The following TRIP12 variants were observed in gnomAD, a reference collection of about 807,000 sequenced individuals.
The protein encoded by TRIP12 is thyroid hormone receptor interactor 12.
TRIP12 carries 25 observed loss-of-function variants against 244.2 expected under a neutral mutation model. The ratio of observed to expected loss-of-function variants is 0.10; its 90% CI spans 0.07 to 0.14. The LOEUF (loss-of-function observed/expected upper bound fraction) is 0.14, where lower values mean the gene tolerates loss of function less well. Among genes scored for constraint, TRIP12 ranks in the 10% least tolerant of loss-of-function variants. TRIP12 has a pLI of 1.00. For missense variants in TRIP12, 1,677 were observed against 2,486.4 expected (o/e 0.67, Z 6.92); for synonymous variants, 905 against 873.1 (o/e 1.04, Z -0.64).
intron 2 of TRIP12, among the ~76,000 whole-genome samples, chr2:229,877,334 A>T (rs541839798): frequency 2.7e-4 from 41 of 152,244 alleles, no homozygotes; most frequent in African/African-American, 9.9e-4. Flanking sequence ...GTTCAAGACC[A>T]GCCTGGCCAA....
upstream of TRIP12, chr2:229,922,080 C>A (rs886414132): frequency 1.9e-5 from 3 of 160,616 alleles, no homozygotes; most frequent in Non-Finnish European, 4.1e-5. Flanking sequence ...CGGGGAACTA[C>A]TTTGTCCTCG....
chr2:229,816,767 G>A (rs1342017904), intron 9 of TRIP12, among the ~76,000 whole-genome samples: 4 of 152,176 alleles, frequency 2.6e-5, no homozygotes, highest in African/African-American at 9.7e-5. Context: ...TATAAGGTAA[G>A]CCTAGTTATT....
chr2:229,814,993 G>A (rs1015278823), intron 11 of TRIP12, 106 bp downstream of exon 11: 10 of 821,884 alleles, frequency 1.2e-5, no homozygotes, highest in Admixed American at 2.6e-5. Context: ...AACATTTCTC[G>A]GGCTAAAAAA....
chr2:229,769,179 CT>C, intron 40 of TRIP12, 51 bp downstream of exon 40: 1 of 1,531,782 alleles, frequency 6.5e-7, no homozygotes, highest in Non-Finnish European at 9.0e-7. Flanking sequence ...ACACACACCC[CT>C]CTCCACATTC....
chr2:229,799,475 GGAGTA>G (rs2043669249), intron 21 of TRIP12, 92 bp from the exon 22 acceptor site: 1 of 1,196,230 alleles, frequency 8.4e-7, no homozygotes, highest in Non-Finnish European at 1.2e-6. Context: ...GCAGAAACAG[GGAGTA>G]ATAAAATACT....
intron 30 of TRIP12, among the ~76,000 whole-genome samples, chr2:229,790,540 AGG>A (rs71396611): frequency 9.8e-6 from 1 of 101,560 alleles, no homozygotes; most frequent in Non-Finnish European, 2.0e-5. Flanking sequence ...GAGCAGGGGG[AGG>A]GGGGGGTGTC....
chr2:229,814,453 C>T, intron 11 of TRIP12, 128 bp from the exon 12 acceptor site: 1 of 820,720 alleles, frequency 1.2e-6, no homozygotes, highest in East Asian at 2.7e-5. Context: ...CCATAGGATG[C>T]AAGTCACTTA....
rs756723896 is a variant in TRIP12, at chr2:229,777,468, G to C, written c.5376C>G (p.Pro1792=). ...TCCATTTATAAAAGGGTAAGCCAAGGGGAAGGTCCACCTGAAATGGAATAT... is the reference window on the plus strand; with the variant it reads ...TCCATTTATAAAAGGGTAAGCCAAGCGGAAGGTCCACCTGAAATGGAATAT... ...AIMDFRLVDL[P]LGLPFYKWML... Residue 1792 remains proline (P), a synonymous_variant, in exon 37 of 42, where the codon CCC becomes CCG. Coordinates refer to ENST00000675903, the MANE Select transcript of TRIP12 (RefSeq NM_001348323.3). 1.1e-5 allele frequency: 18 copies of C among 1,613,698 alleles called. No homozygotes were observed. Among genetic ancestry groups the C allele is most frequent in the Non-Finnish European group, 1.5e-5 (18 of 1,179,722 alleles).
chr2:229,830,339 G>C (rs1247838553), intron 7 of TRIP12, among the ~76,000 whole-genome samples: 1 of 152,190 alleles, frequency 6.6e-6, no homozygotes, highest in Non-Finnish European at 1.5e-5. Context: ...TTGAGCAGTA[G>C]GATATAAATA....
intron 4 of TRIP12, among the ~76,000 whole-genome samples, chr2:229,842,586 AAC>A (rs554682593): frequency 2.2e-3 from 330 of 152,304 alleles, no homozygotes; most frequent in Non-Finnish European, 3.7e-3. Flanking sequence ...CACACCAAAA[AAC>A]AGTGTTTTTG....
intron 39 of TRIP12, among the ~76,000 whole-genome samples, chr2:229,771,255 C>G (rs2034218209): frequency 6.6e-6 from 1 of 152,250 alleles, no homozygotes. Context: ...CCATTCTCCA[C>G]TGAATGGCAT....
intron 13 of TRIP12, among the ~76,000 whole-genome samples, chr2:229,811,469 T>C (rs2047229661): frequency 6.6e-6 from 1 of 152,004 alleles, no homozygotes; most frequent in African/African-American, 2.4e-5. Context: ...AGAACTATTA[T>C]GCTTACACAA....
chr2:229,891,409 A>G (rs962354361), intron 1 of TRIP12, among the ~76,000 whole-genome samples: 1 of 152,100 alleles, frequency 6.6e-6, no homozygotes, highest in African/African-American at 2.4e-5. Context: ...TGGGCGACAG[A>G]GCGAAACTGT....
At position 229,895,079 on chromosome 2, in the gene TRIP12, G is replaced by C. The variant is rs549491633; in HGVS notation, c.-49-14951C>G. On this transcript the variant is annotated intron_variant, in intron 1 of 41. Transcript: ENST00000675903. Reference sequence around the variant, plus strand: ...AAAAAGACACAAAACATTTCAGATAGGAGAATTATCAGATCTTAAAATGCT... The same window carrying C: ...AAAAAGACACAAAACATTTCAGATACGAGAATTATCAGATCTTAAAATGCT... Among the ~76,000 whole-genome samples, 10 of 152,216 alleles carry C rather than the reference G, an allele frequency of 6.6e-5. No homozygotes were observed. In the South Asian group the frequency reaches 1.9e-3, roughly 28 times the overall value.
At chr2:229,839,320 C>T (rs2055719552) in intron 5 of TRIP12, among the ~76,000 whole-genome samples, 1 of 152,122 alleles carries the variant, frequency 6.6e-6, no homozygotes, top group Non-Finnish European at 1.5e-5. Flanking sequence ...AAGTGTTCTC[C>T]ATGATGTTTG....
chr2:229,807,633 C>A, intron 17 of TRIP12, 75 bp downstream of exon 17: 3 of 1,542,424 alleles, frequency 1.9e-6, no homozygotes, highest in Non-Finnish European at 2.7e-6. Flanking sequence ...ATCCACATAT[C>A]CACCTCCCCA....
At chr2:229,771,463 A>G in intron 39 of TRIP12, 56 bp downstream of exon 39, 1 of 1,479,708 alleles carries the variant, frequency 6.8e-7, no homozygotes, top group South Asian at 1.2e-5. Context: ...GGCAGCACAG[A>G]AACACTCCAC....
chr2:229,881,842 T>C (rs1276580661), intron 1 of TRIP12, among the ~76,000 whole-genome samples: 1 of 152,200 alleles, frequency 6.6e-6, no homozygotes, highest in African/African-American at 2.4e-5. Context: ...GAAAGATGCA[T>C]GAAACATACT....
chr2:229,826,572 T>G (rs374420489), intron 8 of TRIP12, among the ~76,000 whole-genome samples: 10 of 152,300 alleles, frequency 6.6e-5, no homozygotes, highest in African/African-American at 2.2e-4. Flanking sequence ...AAATGGGATA[T>G]GTTCTGAGAA....
Sources: gnomAD v4.1 joint callset for allele counts (sites outside exome capture counted in the v4.1 genomes callset) on GRCh38, gnomAD v4.1.1 for gene constraint, MANE v1.5 for transcripts, NCBI Gene and HGNC (gene_info 2026-07-23, HGNC 2026-07-21) for gene names.